COL4A5: variants seen among roughly 807,000 people sequenced by gnomAD.
The protein encoded by COL4A5 is collagen alpha-5(IV) chain.
In COL4A5, 26 loss-of-function variants were observed where a neutral mutation model predicts 130.2. The ratio of observed to expected loss-of-function variants is 0.20; its 90% CI spans 0.15 to 0.28. The LOEUF is 0.28. Ranked by LOEUF, COL4A5 falls within the 10% of genes least tolerant of loss-of-function variation. The pLI is 1.00. For missense variants in COL4A5, 1,131 were observed against 1,344.3 expected, an observed-to-expected ratio of 0.84 and a Z score of 2.48; for synonymous variants, 496 against 439.6, an observed-to-expected ratio of 1.13 and a Z score of -1.60.
intron 1 of COL4A5, among the ~76,000 whole-genome samples, chrX:108,526,725 C>CTTTT (rs1239694615): frequency 7.7e-4 from 62 of 80,313 alleles, no homozygotes; most frequent in Non-Finnish European, 1.4e-3. Context: ...TTCTTTCTTT[C>CTTTT]TTCCTCCTCC....
intron 1 of COL4A5, among the ~76,000 whole-genome samples, chrX:108,497,337 A>G: frequency 8.9e-6 from 1 of 112,044 alleles, no homozygotes; most frequent in Admixed American, 9.5e-5. Context: ...TATTTGTGTA[A>G]AAGTTTTTGT....
At position 108,645,010 on chromosome X, in the gene COL4A5, A is replaced by G. The variant is rs1396514568; in HGVS notation, c.3247-10321A>G. On this transcript the variant is annotated intron_variant, in intron 36 of 52. Transcript: ENST00000328300. ...ATGAAATCAAGATGAAAATTAAAAA[A>G]TTGTTTGAACTGAACGATAATAATG... 2.7e-5 allele frequency among the ~76,000 whole-genome samples: 3 copies of G among 111,053 alleles called. No homozygotes were observed. In the East Asian group the frequency reaches 8.4e-4, roughly 31 times the overall value.
intron 1 of COL4A5, among the ~76,000 whole-genome samples, chrX:108,483,977 G>C (rs2064919020): frequency 8.9e-6 from 1 of 111,757 alleles, no homozygotes; most frequent in Non-Finnish European, 1.9e-5. Context: ...ACTTTATCTT[G>C]TTCAGCTGTT....
intron 37 of COL4A5, among the ~76,000 whole-genome samples, chrX:108,664,756 A>C (rs1360534071): frequency 8.9e-6 from 1 of 112,256 alleles, no homozygotes; most frequent in African/African-American, 3.2e-5. Flanking sequence ...GAAAACTTTG[A>C]ATAGATACTT....
intron 36 of COL4A5, among the ~76,000 whole-genome samples, chrX:108,643,803 CA>C (rs1369929424): frequency 1.8e-5 from 2 of 111,742 alleles, no homozygotes; most frequent in Non-Finnish European, 3.8e-5. Context: ...AACAAAACTA[CA>C]AGTTAAAAGG....
At chrX:108,669,210 T>G (rs2068147602) in intron 41 of COL4A5, among the ~76,000 whole-genome samples, 1 of 112,182 alleles carries the variant, frequency 8.9e-6, no homozygotes, top group Non-Finnish European at 1.9e-5. Flanking sequence ...TTTTCATCCT[T>G]GATTAATGTC....
intron 1 of COL4A5, among the ~76,000 whole-genome samples, chrX:108,475,320 A>T (rs990114594): frequency 9.0e-6 from 1 of 111,052 alleles, no homozygotes; most frequent in Admixed American, 9.7e-5. Context: ...TAGTATTCGT[A>T]GCTTTTTGTA....
In COL4A5 at chrX:108,692,772, G is replaced by A. The variant is rs1386149649; in HGVS notation, c.4553G>A (p.Arg1518His). The part of the protein sequence containing the change: ...DLGTAGSCLR[R>H]FSTMPFMFCN... ...GGGACGGCTGGCAGCTGCCTTCGTC[G>A]CTTTAGTACCATGCCTTTCATGTTC... The change falls in exon 50 of 53, where the codon CGC becomes CAC. Residue 1518 changes from arginine to histidine, a missense_variant. Arg to His is a conservative substitution (Grantham distance 29, BLOSUM62 0). Coordinates refer to ENST00000328300, the MANE Select transcript of COL4A5 (RefSeq NM_033380.3). The A allele has an allele frequency of 1.1e-5, 13 of 1,209,368 alleles. No individual in the cohort carries two copies. The highest frequency in any genetic ancestry group is 3.5e-5 in the African/African-American group (2 of 57,034).
intron 1 of COL4A5, among the ~76,000 whole-genome samples, chrX:108,513,522 T>C (rs1157486829): frequency 9.0e-6 from 1 of 111,714 alleles, no homozygotes; most frequent in Non-Finnish European, 1.9e-5. Flanking sequence ...TTATTGGACA[T>C]TTGTGTATTT....
Position 108,626,278 on chromosome X carries a change from C to A in COL4A5, c.3175C>A (p.Pro1059Thr). The A allele has an allele frequency of 8.3e-7, 1 of 1,210,772 alleles. No homozygotes were observed. Among genetic ancestry groups the A allele is most frequent in the Non-Finnish European group, 1.1e-6 (1 of 894,962 alleles). ...VPGQPGSPGL[P>T]GQKGDKGDPG... ...TGGACAACCTGGCTCCCCAGGATTA[C>A]CTGGACAGAAAGGCGACAAAGGTGA... is the stretch of plus-strand genomic sequence containing the variant. The change falls in exon 36 of 53, where the codon CCT becomes ACT. Residue 1059 changes from proline (P) to threonine (T), a missense_variant. Physicochemically the swap from Pro to Thr is conservative, Grantham distance 38 (BLOSUM62 -1). Transcript: ENST00000328300.
intron 10 of COL4A5, among the ~76,000 whole-genome samples, chrX:108,577,617 T>C (rs1396626860): frequency 9.0e-6 from 1 of 111,517 alleles, no homozygotes; most frequent in Non-Finnish European, 1.9e-5. Context: ...AATTGCTTTA[T>C]GGTACCTAAG....
intron 1 of COL4A5, chrX:108,462,993 A>AT (rs962348279): frequency 2.4e-4 from 27 of 112,283 alleles, no homozygotes; most frequent in African/African-American, 8.4e-4. Flanking sequence ...AAAAAGAGTG[A>AT]TTTTAAGAAT....
At chrX:108,652,566 T>A (rs1007060152) in intron 36 of COL4A5, among the ~76,000 whole-genome samples, 4 of 112,586 alleles carry the variant, frequency 3.6e-5, no homozygotes, top group Non-Finnish European at 7.5e-5. Context: ...TTAGCTTTTT[T>A]ACCAATAGAT....
chrX:108,578,141 G>A, intron 12 of COL4A5, 22 bp downstream of exon 12: 1 of 1,202,107 alleles, frequency 8.3e-7, no homozygotes, highest in East Asian at 3.0e-5. Context: ...AAGAGAGCTG[G>A]TTATTCAGCC....
chrX:108,634,043 T>G (rs1372804656), intron 36 of COL4A5, among the ~76,000 whole-genome samples: 1 of 111,250 alleles, frequency 9.0e-6, no homozygotes, highest in Non-Finnish European at 1.9e-5. Flanking sequence ...GTAATTTCAC[T>G]TCTTTCAAAT....
At chrX:108,642,439 A>G (rs1400092139) in intron 36 of COL4A5, among the ~76,000 whole-genome samples, 1 of 111,074 alleles carries the variant, frequency 9.0e-6, no homozygotes, top group Non-Finnish European at 1.9e-5. Context: ...CCAGCCCCAA[A>G]ATAGAGCATT....
At chrX:108,571,524 T>G in intron 7 of COL4A5, 58 bp downstream of exon 7, 1 of 888,082 alleles carries the variant, frequency 1.1e-6, no homozygotes. Flanking sequence ...GAAGCAGAAA[T>G]GTAGTGAGAG....
At chrX:108,601,528 CTTTTTTT>C in intron 26 of COL4A5, 43 bp downstream of exon 26, 1 of 580,459 alleles carries the variant, frequency 1.7e-6, no homozygotes, top group Non-Finnish European at 2.7e-6. Context: ...ACACCGATGG[CTTTTTTT>C]TTTTTTTTTT....
intron 37 of COL4A5, among the ~76,000 whole-genome samples, chrX:108,663,664 G>C (rs1006278209): frequency 9.2e-6 from 1 of 109,155 alleles, no homozygotes; most frequent in African/African-American, 3.3e-5. Flanking sequence ...TGGTTTGATA[G>C]GTACAGCAAA....
Sources: gnomAD v4.1 joint callset for allele counts (sites outside exome capture counted in the v4.1 genomes callset) on GRCh38, gnomAD v4.1.1 for gene constraint, MANE v1.5 for transcripts, NCBI Gene and HGNC (gene_info 2026-07-23, HGNC 2026-07-21) for gene names.